The following TRMT44 variants were observed in gnomAD, a reference collection of about 807,000 sequenced individuals.
The protein encoded by TRMT44 is probable tRNA (uracil-O(2)-)-methyltransferase.
TRMT44 carries 78 observed loss-of-function variants against 77.3 expected under a neutral mutation model. The ratio of observed to expected loss-of-function variants is 1.01; its 90% CI spans 0.84 to 1.22. The LOEUF (loss-of-function observed/expected upper bound fraction) is 1.22. Among genes scored for constraint, TRMT44 ranks in the 50% most tolerant of loss-of-function variants. TRMT44 has a pLI of 0.00. For missense variants in TRMT44, 1,090 were observed against 964.4 expected (o/e 1.13, Z -1.73); for synonymous variants, 391 against 383.3 (o/e 1.02, Z -0.23).
Position 8,461,980 on chromosome 4 carries a change from CAAGAGAGT to C in TRMT44, c.1204-2004_1204-1997del, listed in dbSNP as rs894244417. 2.0e-5 allele frequency among the ~76,000 whole-genome samples: 3 copies of C among 152,130 alleles called. No homozygotes were observed. Among genetic ancestry groups the C allele is most frequent in the African/African-American group, 4.8e-5 (2 of 41,412 alleles). Reference sequence around the variant, plus strand: ...TTCAAAAACCTCATTTGATTGCAAGCAAGAGAGTGTTAAAAAACTAAAAACAAAACACC... The same window carrying C: ...TTCAAAAACCTCATTTGATTGCAAGCGTTAAAAAACTAAAAACAAAACACC... On this transcript the variant is annotated intron_variant, in intron 6 of 10. Coordinates refer to ENST00000389737, the MANE Select transcript of TRMT44 (RefSeq NM_152544.3). The surrounding 1 kb of genome is among the most constrained non-coding windows in gnomAD (Gnocchi z 4.6).
At chr4:8,502,621 G>T in the TRMT44 span, among the ~76,000 whole-genome samples, 2 of 152,034 alleles carry the variant, frequency 1.3e-5, no homozygotes, top group African/African-American at 4.8e-5. Context: ...GTTGGCCAGA[G>T]ACTTGTTGTG....
At chr4:8,455,297 C>T (rs1725735151) in intron 6 of TRMT44, among the ~76,000 whole-genome samples, 1 of 152,246 alleles carries the variant, frequency 6.6e-6, no homozygotes, top group Non-Finnish European at 1.5e-5. Flanking sequence ...GCTGTGGGGA[C>T]TCAAAGGAGG....
At position 8,471,066 on chromosome 4, in the gene TRMT44, A is replaced by G; in HGVS notation, c.1928-18A>G. 1.3e-6 allele frequency: 2 copies of G among 1,563,894 alleles called. No individual in the cohort carries two copies. The highest frequency in any genetic ancestry group is 2.3e-5 in the East Asian group (1 of 44,356). On this transcript the variant is annotated intron_variant, in intron 9 of 10. Coordinates refer to ENST00000389737, the MANE Select transcript of TRMT44 (RefSeq NM_152544.3). ...TTTGCTGTTGTTTTGGGGAAAAAAAAAACCCGTTTTTCCACAGAGAGCCTA... is the reference window on the plus strand; with the variant it reads ...TTTGCTGTTGTTTTGGGGAAAAAAAGAACCCGTTTTTCCACAGAGAGCCTA...
intron 7 of TRMT44, among the ~76,000 whole-genome samples, chr4:8,465,086 CAG>C (rs1221047328): frequency 6.6e-6 from 1 of 152,060 alleles, no homozygotes; most frequent in Non-Finnish European, 1.5e-5. Context: ...AGGGAGAGGG[CAG>C]AGTTTGAAAA....
At chr4:8,491,269 T>C (rs1216147461) in intron 2 of TRMT44, among the ~76,000 whole-genome samples, 2 of 152,174 alleles carry the variant, frequency 1.3e-5, no homozygotes, top group Admixed American at 1.3e-4. Flanking sequence ...AGGGTGCTGA[T>C]TGGTGTGTTT....
chr4:8,491,244 C>G (rs1019970412), intron 2 of TRMT44, among the ~76,000 whole-genome samples: 1 of 152,324 alleles, frequency 6.6e-6, no homozygotes, highest in East Asian at 1.9e-4. Context: ...CACTCACAAA[C>G]CTAGAGCTAA....
the TRMT44 span, among the ~76,000 whole-genome samples, chr4:8,511,212 A>G: frequency 5.3e-5 from 8 of 152,356 alleles, no homozygotes; most frequent in South Asian, 1.7e-3. Context: ...AGTGAGTTAC[A>G]GAAGTATGTG....
chr4:8,511,574 A>G, the TRMT44 span, among the ~76,000 whole-genome samples: 40 of 152,380 alleles, frequency 2.6e-4, no homozygotes, highest in East Asian at 6.6e-3. Context: ...TGAAAGATCA[A>G]CATCCCTAAA....
the TRMT44 span, among the ~76,000 whole-genome samples, chr4:8,506,272 T>G: frequency 2.6e-5 from 4 of 152,236 alleles, no homozygotes; most frequent in Non-Finnish European, 5.9e-5. Context: ...TGTGCCCTGC[T>G]GACACTGCTG....
intron 6 of TRMT44, 39 bp downstream of exon 6, chr4:8,454,852 G>C (rs1350200541): frequency 6.3e-7 from 1 of 1,587,294 alleles, no homozygotes. Flanking sequence ...TCTCAGCATG[G>C]CTTAGCTCCC....
chr4:8,503,217 G>T, the TRMT44 span, among the ~76,000 whole-genome samples: 3 of 152,206 alleles, frequency 2.0e-5, no homozygotes, highest in Non-Finnish European at 4.4e-5. Flanking sequence ...GCATTTAGGG[G>T]TGTTCTCCCG....
In TRMT44 at chr4:8,444,993, TGG is replaced by T. The variant is rs1309965866; in HGVS notation, c.620-1481_620-1480del. Among the ~76,000 whole-genome samples, 4 of 152,084 alleles carry T rather than the reference TGG, an allele frequency of 2.6e-5. No homozygotes were observed. The highest frequency in any genetic ancestry group is 9.7e-5 in the African/African-American group (4 of 41,406). ...GGGAGAGGATGCTGCTGGCATCTAG[TGG>T]GTAGGGGCCAGGGCTTCTTATAAAC... On this transcript the variant is annotated intron_variant, in intron 1 of 10. Transcript: ENST00000389737. The surrounding 1 kb of genome is among the most constrained non-coding windows in gnomAD (Gnocchi z 4.0).
intron 7 of TRMT44, among the ~76,000 whole-genome samples, chr4:8,464,757 A>G (rs1726412175): frequency 1.3e-5 from 2 of 152,240 alleles, no homozygotes; most frequent in Admixed American, 1.3e-4. Flanking sequence ...GGAACTGTGG[A>G]AAAAATCATT....
Position 8,449,699 on chromosome 4 carries a change from A to G in TRMT44, c.765A>G (p.Glu255=). 5 of 1,536,090 alleles carry G rather than the reference A, an allele frequency of 3.3e-6. No individual in the cohort carries two copies. The highest frequency in any genetic ancestry group is 4.4e-6 in the Non-Finnish European group (5 of 1,146,886). Residue 255 remains glutamate, a synonymous_variant, in exon 3 of 11, where the codon GAA becomes GAG. Transcript: ENST00000389737. The part of the protein sequence containing the change: ...WFISVLIFCP[E]RWHSDGIVYP... The stretch of plus-strand genomic sequence containing the variant: ...TATCTGTTTTAATTTTCTGTCCAGA[A>G]AGATGGCATTCAGATGGAATCGTGT...
chr4:8,488,280 A>C (rs1727879948), intron 2 of TRMT44, among the ~76,000 whole-genome samples: 1 of 152,212 alleles, frequency 6.6e-6, no homozygotes, highest in African/African-American at 2.4e-5. Flanking sequence ...GTCCGTGTGA[A>C]GAGACCACCA....
intron 2 of TRMT44, 79 bp from the exon 3 acceptor site, chr4:8,449,590 C>T (rs567566213): frequency 1.1e-5 from 13 of 1,158,774 alleles, no homozygotes; most frequent in Non-Finnish European, 1.5e-5. Context: ...CTGTTTTCTT[C>T]ATTAGGTAAA....
At chr4:8,485,911 G>A (rs1187378724) in intron 2 of TRMT44, among the ~76,000 whole-genome samples, 2 of 152,146 alleles carry the variant, frequency 1.3e-5, no homozygotes, top group Non-Finnish European at 2.9e-5. Context: ...TGAAAAGAAG[G>A]CAACGTGGAG....
chr4:8,476,787 A>T (rs1727414226), downstream of TRMT44: 1 of 152,222 alleles, frequency 6.6e-6, no homozygotes, highest in Non-Finnish European at 1.5e-5. Context: ...TCTCTCGCCC[A>T]GGCTGGAGTG....
chr4:8,515,288 A>G, the TRMT44 span, among the ~76,000 whole-genome samples: 1 of 152,076 alleles, frequency 6.6e-6, no homozygotes, highest in Non-Finnish European at 1.5e-5. Context: ...TTTACCACCC[A>G]ATTTGTTCTG....
Sources: allele counts gnomAD v4.1 joint callset (sites outside exome capture counted in the v4.1 genomes callset), GRCh38; gene constraint gnomAD v4.1.1; non-coding constraint Gnocchi (gnomAD v3.1); transcripts MANE v1.5; gene names NCBI Gene and HGNC (gene_info 2026-07-23, HGNC 2026-07-21).